GNE: variants seen among roughly 807,000 people sequenced by gnomAD.
GNE encodes bifunctional UDP-N-acetylglucosamine 2-epimerase/N-acetylmannosamine kinase.
In GNE, 41 loss-of-function variants were observed where a neutral mutation model predicts 61.8. That is an observed-to-expected ratio of 0.66 (90% CI 0.52 to 0.86). The LOEUF is 0.86. GNE is among the 40% of genes least tolerant of loss of function. The probability of loss-of-function intolerance (pLI) is 0.00; values close to 1 mark genes in which losing one functional copy is unlikely to be tolerated. For synonymous variants in GNE, 264 were observed against 326.4 expected, an observed-to-expected ratio of 0.81 and a Z score of 2.06; for missense variants, 608 against 909.1, an observed-to-expected ratio of 0.67 and a Z score of 4.26.
intron 5 of GNE, among the ~76,000 whole-genome samples, chr9:36,232,826 C>G (rs1210211709): frequency 6.6e-6 from 1 of 152,222 alleles, no homozygotes; most frequent in Non-Finnish European, 1.5e-5. Flanking sequence ...CCCAGCTCTT[C>G]TTGGTCTAGT....
chr9:36,259,697 A>G (rs1021996695), upstream of GNE, among the ~76,000 whole-genome samples: 4 of 152,270 alleles, frequency 2.6e-5, no homozygotes, highest in African/African-American at 9.6e-5. Context: ...GTCCCACTCT[A>G]TCGCCCAGGC....
chr9:36,218,244 C>T lies in GNE; in HGVS notation c.1872G>A (p.Ala624=), dbSNP rs145361930. The T allele has an allele frequency of 1.1e-3, 1,772 of 1,613,996 alleles. 22 individuals carry two copies. Among genetic ancestry groups the T allele is most frequent in the Middle Eastern group, 1.5e-3 (9 of 6,062 alleles). Residue 624 remains alanine, a synonymous_variant, in exon 11 of 12, where the codon GCG becomes GCA. Transcript: ENST00000642385. This position sits in a 1 kb window ranked among gnomAD's most constrained non-coding sequence, Gnocchi z 4.1. ...GTTTCGCAGCTTGGATGAGATGGAG[C>T]GCACCCACAGCCTCATCTTTTGGCA... is the stretch of plus-strand genomic sequence containing the variant. The part of the protein sequence containing the change: ...MSVPKDEAVG[A]LHLIQAAKLG...
chr9:36,223,652 T>G (rs1232291827), intron 7 of GNE, 150 bp from the exon 8 acceptor site: 1 of 763,432 alleles, frequency 1.3e-6, no homozygotes, highest in Admixed American at 2.2e-5. Flanking sequence ...CACTGCCTGG[T>G]CTGGGCCAGC....
upstream of GNE, chr9:36,258,530 A>T: frequency 1.0e-6 from 1 of 985,148 alleles, no homozygotes; most frequent in Non-Finnish European, 1.2e-6. Context: ...TCGCGCCCTG[A>T]CGCCACCCGA....
At chr9:36,250,095 G>T (rs1830058581) in intron 1 of GNE, among the ~76,000 whole-genome samples, 1 of 152,104 alleles carries the variant, frequency 6.6e-6, no homozygotes, top group African/African-American at 2.4e-5. Flanking sequence ...TGCAAAATCA[G>T]TTGTTGAGAA....
chr9:36,244,939 CAAA>C (rs200558832), intron 3 of GNE, among the ~76,000 whole-genome samples: 2 of 94,158 alleles, frequency 2.1e-5, no homozygotes, highest in African/African-American at 3.8e-5. Context: ...GACTCCATCT[CAAA>C]AAAAAAAAAA....
upstream of GNE, among the ~76,000 whole-genome samples, chr9:36,262,892 A>T (rs1830655479): frequency 6.6e-6 from 1 of 152,196 alleles, no homozygotes; most frequent in South Asian, 2.1e-4. Flanking sequence ...TAGCCTAAAC[A>T]TTTCTAAACT....
upstream of GNE, among the ~76,000 whole-genome samples, chr9:36,262,294 C>G (rs1830638302): frequency 6.6e-6 from 1 of 152,130 alleles, no homozygotes; most frequent in South Asian, 2.1e-4. Context: ...GTTTGACCAA[C>G]ACTGAGAATT....
rs928436966 is a variant in GNE at position 36,263,833 on chromosome 9, A to G, written c.51+13061T>C. Among the ~76,000 whole-genome samples the G allele has an allele frequency of 2.0e-5, 3 of 152,196 alleles. No homozygotes were observed. The South Asian group carries it at 6.2e-4, about 32-fold the overall frequency. ...CCTCCTCAAGAGCTGCCTATTCATGACCCATGAAAAAACCTGGCACCAAGC... is the reference window on the plus strand; with the variant it reads ...CCTCCTCAAGAGCTGCCTATTCATGGCCCATGAAAAAACCTGGCACCAAGC... On this transcript the variant is annotated intron_variant, in intron 1 of 11. Coordinates refer to the GNE transcript ENST00000396594.
chr9:36,272,685 G>A (rs149824825), intron 1 of GNE, among the ~76,000 whole-genome samples: 75 of 150,470 alleles, frequency 5.0e-4, no homozygotes, highest in African/African-American at 1.5e-3. Context: ...GGAAGGACTG[G>A]AAGAAGGGAA....
chr9:36,227,169 C>A, intron 7 of GNE, 79 bp downstream of exon 7: 2 of 854,710 alleles, frequency 2.3e-6, no homozygotes, highest in Non-Finnish European at 4.0e-6. Flanking sequence ...TCTAGTCTTA[C>A]CTTCCAACTA....
chr9:36,243,967 T>G (rs34880007), intron 3 of GNE, among the ~76,000 whole-genome samples: 402 of 136,336 alleles, frequency 2.9e-3, no homozygotes, highest in Non-Finnish European at 5.1e-3. Flanking sequence ...TGTTTTTTTT[T>G]GTTTTGTTTT....
At chr9:36,271,362 C>T (rs764411192) in intron 1 of GNE, among the ~76,000 whole-genome samples, 6 of 152,174 alleles carry the variant, frequency 3.9e-5, no homozygotes, top group Admixed American at 6.6e-5. Context: ...TGTCTTTACT[C>T]ATCTCAAACT....
chr9:36,256,069 C>A (rs995903475), intron 1 of GNE, among the ~76,000 whole-genome samples: 2 of 151,916 alleles, frequency 1.3e-5, no homozygotes, highest in Non-Finnish European at 2.9e-5. Flanking sequence ...GGATTACAGG[C>A]ATGTGACACC....
At chr9:36,260,885 A>AAAAAC (rs1830594849), upstream of GNE, among the ~76,000 whole-genome samples, 1 of 150,172 alleles carries the variant, frequency 6.7e-6, no homozygotes, top group East Asian at 2.0e-4. Context: ...AAAAAAAAAA[A>AAAAAC]AAAAAAAAAA....
chr9:36,251,512 C>T (rs1830105221), intron 1 of GNE, among the ~76,000 whole-genome samples: 1 of 152,092 alleles, frequency 6.6e-6, no homozygotes, highest in Non-Finnish European at 1.5e-5. Context: ...CAGCCTGGAA[C>T]TCCTGGGCTC....
chr9:36,246,597 T>C lies in GNE; in HGVS notation c.165-115A>G, dbSNP rs7861442. ...AGTGAGAAACATTAAAATAAATAAA[T>C]TGAAGTATAACTTACAAACATAAAA... On this transcript the variant is annotated intron_variant, in intron 2 of 11. Coordinates refer to ENST00000642385, the MANE Select transcript of GNE (RefSeq NM_005476.7). 0.54 allele frequency: 362,828 copies of C among 677,064 alleles called. 101,060 individuals carry two copies. Among genetic ancestry groups the C allele is most frequent in the Non-Finnish European group, 0.6 (232,285 of 387,460 alleles). The allele number at this position is 677,064 out of a possible 1,614,324, so 41.9% of individuals were successfully genotyped here.
chr9:36,259,984 C>T (rs10758356), upstream of GNE, among the ~76,000 whole-genome samples: 117,533 of 152,064 alleles, frequency 0.77, 45,942 homozygotes, highest in African/African-American at 0.81. Flanking sequence ...TTAAATCACA[C>T]TGGCTGCTCT....
At chr9:36,266,997 C>T (rs536174724) in intron 1 of GNE, among the ~76,000 whole-genome samples, 1 of 152,032 alleles carries the variant, frequency 6.6e-6, no homozygotes, top group Non-Finnish European at 1.5e-5. Context: ...ACCTGGGAGG[C>T]GAAGGTTACA....
Sources: gnomAD v4.1 joint callset for allele counts (sites outside exome capture counted in the v4.1 genomes callset) on GRCh38, gnomAD v4.1.1 for gene constraint, Gnocchi (gnomAD v3.1) non-coding constraint, MANE v1.5 for transcripts, NCBI Gene and HGNC (gene_info 2026-07-23, HGNC 2026-07-21) for gene names.